The following CPEB1 variants were observed in gnomAD, a reference collection of about 807,000 sequenced individuals.
CPEB1 encodes cytoplasmic polyadenylation element binding protein 1.
Under a neutral mutation model 65.8 loss-of-function variants are expected in CPEB1, and 7 were observed. The observed-to-expected ratio is 0.11, with a 90% CI of 0.06 to 0.20. The LOEUF is 0.20. Ranked by LOEUF, CPEB1 falls within the 10% of genes least tolerant of loss-of-function variation. CPEB1 has a pLI of 1.00. For missense variants in CPEB1, 551 were observed against 712.2 expected, an observed-to-expected ratio of 0.77 and a Z score of 2.58; for synonymous variants, 262 against 260.0, an observed-to-expected ratio of 1.01 and a Z score of -0.08.
intron 12 of CPEB1, 98 bp downstream of exon 12, chr15:82,546,343 C>G (rs2035207753): frequency 2.1e-6 from 2 of 932,982 alleles, no homozygotes; most frequent in South Asian, 2.9e-5. Context: ...GATCCGCCCA[C>G]CTTGGCATCC....
chr15:82,598,480 C>T (rs2042843487), intron 3 of CPEB1, among the ~76,000 whole-genome samples: 1 of 151,778 alleles, frequency 6.6e-6, no homozygotes. Flanking sequence ...CAGAGCAAAA[C>T]TCTGTCTCAA....
intron 1 of CPEB1, among the ~76,000 whole-genome samples, chr15:82,634,371 C>A (rs991460082): frequency 1.2e-4 from 19 of 152,122 alleles, no homozygotes; most frequent in African/African-American, 4.6e-4. Context: ...CTCCCCAGAC[C>A]CAGCATTGTG....
intron 4 of CPEB1, among the ~76,000 whole-genome samples, chr15:82,566,277 T>C (rs145461550): frequency 6.6e-6 from 1 of 152,210 alleles, no homozygotes; most frequent in African/African-American, 2.4e-5. Context: ...TGTTATCTAA[T>C]GGGAATAGTC....
At chr15:82,593,735 A>G (rs112718457) in intron 3 of CPEB1, among the ~76,000 whole-genome samples, 1,980 of 152,332 alleles carry the variant, frequency 0.013, 36 homozygotes, top group African/African-American at 0.044. Flanking sequence ...CTTAAATAAT[A>G]AGACTTGAAA....
At chr15:82,579,114 T>C (rs55844519) in intron 3 of CPEB1, among the ~76,000 whole-genome samples, 14,863 of 152,134 alleles carry the variant, frequency 0.098, 940 homozygotes, top group African/African-American at 0.16. Flanking sequence ...TGAACCACCA[T>C]GCCCAGCCTT....
intron 1 of CPEB1, among the ~76,000 whole-genome samples, chr15:82,633,408 T>C (rs2046413045): frequency 6.6e-6 from 1 of 151,468 alleles, no homozygotes; most frequent in South Asian, 2.1e-4. Context: ...GTTTTGCTCT[T>C]GTCGCCCACG....
At chr15:82,591,493 C>T (rs936833999) in intron 3 of CPEB1, among the ~76,000 whole-genome samples, 34 of 152,132 alleles carry the variant, frequency 2.2e-4, no homozygotes, top group Non-Finnish European at 1.0e-4. Context: ...TCTCAAACTC[C>T]TGACCTCAGG....
At chr15:82,637,516 CCAT>C (rs2046760833) in intron 1 of CPEB1, among the ~76,000 whole-genome samples, 1 of 152,188 alleles carries the variant, frequency 6.6e-6, no homozygotes, top group Non-Finnish European at 1.5e-5. Flanking sequence ...CCTAGCATCC[CCAT>C]CAGCCCTCCG....
chr15:82,568,370 G>C lies in CPEB1; in HGVS notation c.460+2974C>G, dbSNP rs370203760. On this transcript the variant is annotated intron_variant, in intron 4 of 12. Transcript: ENST00000684509. The stretch of plus-strand genomic sequence containing the variant: ...TTGCAAGCAGGACAAGGGTAGCCCT[G>C]GACATGAGAAAGGGTAGCACTGGGG... Among the ~76,000 whole-genome samples, 7 of 152,104 alleles carry C rather than the reference G, an allele frequency of 4.6e-5. No individual in the cohort carries two copies. In the East Asian group the frequency reaches 1.2e-3, roughly 25 times the overall value.
intron 10 of CPEB1, among the ~76,000 whole-genome samples, chr15:82,548,384 G>A (rs2035650250): frequency 6.6e-6 from 1 of 152,092 alleles, no homozygotes; most frequent in Admixed American, 6.5e-5. Context: ...ATTTCCAAAT[G>A]TGACAACAGC....
chr15:82,624,258 G>A lies in CPEB1; in HGVS notation c.271+2935C>T, dbSNP rs1255433589. On this transcript the variant is annotated intron_variant, in intron 3 of 12. Coordinates refer to ENST00000684509, the MANE Select transcript of CPEB1 (RefSeq NM_001365242.1). ...CAGAGAGAGTTCACCACACATGGGA[G>A]GGGCTGGGTATACGTGAAAGGCTCA... Among the ~76,000 whole-genome samples the A allele has an allele frequency of 3.3e-5, 5 of 152,180 alleles. No individual in the cohort carries two copies. In the East Asian group the frequency reaches 7.7e-4, roughly 23 times the overall value.
At chr15:82,627,502 TAC>T in intron 2 of CPEB1, 135 bp from the exon 3 acceptor site, 2 of 624,236 alleles carry the variant, frequency 3.2e-6, no homozygotes, top group Non-Finnish European at 2.6e-6. Context: ...AATGAGTGTT[TAC>T]TATGAGCTAA....
At chr15:82,616,468 A>C (rs1020355074) in intron 3 of CPEB1, among the ~76,000 whole-genome samples, 1 of 152,208 alleles carries the variant, frequency 6.6e-6, no homozygotes, top group Non-Finnish European at 1.5e-5. Context: ...GTCTGAATCA[A>C]ACATATCAAA....
At chr15:82,563,357 C>CTTTTTT (rs71453394) in intron 4 of CPEB1, among the ~76,000 whole-genome samples, 97 of 91,950 alleles carry the variant, frequency 1.1e-3, no homozygotes, top group East Asian at 1.5e-3. Flanking sequence ...CATCTCTATT[C>CTTTTTT]TTTTTTTTTT....
intron 1 of CPEB1, among the ~76,000 whole-genome samples, chr15:82,633,961 G>C (rs998982699): frequency 1.4e-5 from 2 of 143,630 alleles, no homozygotes; most frequent in Non-Finnish European, 3.1e-5. Context: ...TTACCTAAAG[G>C]TATAAAAAAA....
chr15:82,610,646 A>G (rs909144203), intron 3 of CPEB1, among the ~76,000 whole-genome samples: 2 of 152,100 alleles, frequency 1.3e-5, no homozygotes, highest in East Asian at 1.9e-4. Flanking sequence ...AAAATATTCA[A>G]TAAACTAGGA....
At chr15:82,557,186 A>C (rs1008489985) in intron 5 of CPEB1, among the ~76,000 whole-genome samples, 3 of 152,214 alleles carry the variant, frequency 2.0e-5, no homozygotes, top group Non-Finnish European at 2.9e-5. Context: ...CGCATCATAC[A>C]TGGCTGTAGA....
Position 82,638,604 on chromosome 15 carries a change from G to A in CPEB1, c.-98+8533C>T, listed in dbSNP as rs183489921. The A allele has an allele frequency of 1.1e-4, 16 of 152,164 alleles. No individual in the cohort carries two copies. In the East Asian group the frequency reaches 3.1e-3, roughly 29 times the overall value. The allele number at this position is 152,164 out of a possible 1,614,324, so 9.4% of individuals were successfully genotyped here. ...AGAAAATGTCTGCCAAATACCCAAA[G>A]TTGAATAACCATAGTTTGTTAGTTG... On this transcript the variant is annotated intron_variant, in intron 1 of 12. Coordinates refer to ENST00000684509, the MANE Select transcript of CPEB1 (RefSeq NM_001365242.1).
At chr15:82,581,294 T>C (rs750458520) in intron 3 of CPEB1, among the ~76,000 whole-genome samples, 1 of 152,234 alleles carries the variant, frequency 6.6e-6, no homozygotes, top group East Asian at 1.9e-4. Flanking sequence ...TTAAAGCTCC[T>C]AATTTTGCAT....
Sources: gnomAD v4.1 joint callset for allele counts (sites outside exome capture counted in the v4.1 genomes callset) on GRCh38, gnomAD v4.1.1 for gene constraint, MANE v1.5 for transcripts, NCBI Gene and HGNC (gene_info 2026-07-23, HGNC 2026-07-21) for gene names.